The following KATNBL1 variants were observed in gnomAD, a reference collection of about 807,000 sequenced individuals.
KATNBL1 encodes the protein katanin regulatory subunit B1 like 1, also known as KATNB1-like protein 1.
Under a neutral mutation model 44.7 loss-of-function variants are expected in KATNBL1, and 28 were observed. That is an observed-to-expected ratio of 0.63 (90% CI 0.46 to 0.86). The LOEUF (loss-of-function observed/expected upper bound fraction) is 0.86. KATNBL1 is among the 40% of genes least tolerant of loss of function. The pLI is 0.00. For synonymous variants in KATNBL1, 78 were observed against 114.9 expected (o/e 0.68, Z 2.06); for missense variants, 272 against 350.7 (o/e 0.78, Z 1.79).
At chr15:34,178,562 C>G (rs901995097) in intron 1 of KATNBL1, among the ~76,000 whole-genome samples, 1 of 151,980 alleles carries the variant, frequency 6.6e-6, no homozygotes, top group Non-Finnish European at 1.5e-5. Flanking sequence ...TCGAGACCAT[C>G]CTGGCTAACC....
intron 2 of KATNBL1, among the ~76,000 whole-genome samples, chr15:34,160,144 A>C (rs1888753165): frequency 6.6e-6 from 1 of 152,052 alleles, no homozygotes. Flanking sequence ...AAGTGACCTA[A>C]TTTTCCACAT....
intron 1 of KATNBL1, among the ~76,000 whole-genome samples, chr15:34,183,129 A>T (rs183402346): frequency 5.9e-5 from 9 of 152,264 alleles, no homozygotes. Context: ...GGTGCCAGAA[A>T]CATTCCTCAA....
At chr15:34,207,425 G>T (rs1890324112) in intron 1 of KATNBL1, among the ~76,000 whole-genome samples, 1 of 151,930 alleles carries the variant, frequency 6.6e-6, no homozygotes, top group Non-Finnish European at 1.5e-5. Flanking sequence ...AGCCAGGATG[G>T]TCTCGATCTC....
At chr15:34,163,001 A>T (rs1732040705) in intron 2 of KATNBL1, among the ~76,000 whole-genome samples, 1 of 152,066 alleles carries the variant, frequency 6.6e-6, no homozygotes, top group African/African-American at 2.4e-5. Flanking sequence ...CTTTAACTAA[A>T]ATATTTAAAT....
At chr15:34,148,383 C>T (rs903043993) in intron 5 of KATNBL1, 18 of 274,118 alleles carry the variant, frequency 6.6e-5, no homozygotes, top group South Asian at 9.8e-5. Context: ...CTCAGGAGTT[C>T]GAGACCAGCC....
At chr15:34,143,406 A>C (rs1455263437) in intron 9 of KATNBL1, among the ~76,000 whole-genome samples, 2 of 152,100 alleles carry the variant, frequency 1.3e-5, no homozygotes, top group Non-Finnish European at 2.9e-5. Flanking sequence ...CAGAGGTTGC[A>C]GTGAGCTGAG....
chr15:34,163,840 T>C (rs1017324923), intron 1 of KATNBL1, 150 bp from the exon 2 acceptor site: 9 of 464,228 alleles, frequency 1.9e-5, no homozygotes, highest in African/African-American at 1.4e-4. Flanking sequence ...ACCTTAAACA[T>C]AGAGGAAGCA....
intron 2 of KATNBL1, among the ~76,000 whole-genome samples, chr15:34,162,052 A>C (rs141838569): frequency 6.6e-6 from 1 of 152,322 alleles, no homozygotes; most frequent in African/African-American, 2.4e-5. Flanking sequence ...AATTCAACAG[A>C]TAAGTTTTTC....
chr15:34,181,570 AT>A (rs1889527122), intron 1 of KATNBL1, among the ~76,000 whole-genome samples: 2 of 142,226 alleles, frequency 1.4e-5, no homozygotes, highest in Admixed American at 1.4e-4. Context: ...CCATATATAT[AT>A]CCATATATAT....
intron 1 of KATNBL1, among the ~76,000 whole-genome samples, chr15:34,172,760 GACACACACACAC>G (rs34182114): frequency 6.8e-5 from 10 of 146,546 alleles, no homozygotes; most frequent in Admixed American, 1.4e-4. Context: ...CACAGACACA[GACACACACACAC>G]ACACACACAC....
intron 1 of KATNBL1, among the ~76,000 whole-genome samples, chr15:34,174,718 G>A (rs1039924086): frequency 4.6e-5 from 7 of 151,604 alleles, no homozygotes; most frequent in Non-Finnish European, 1.0e-4. Flanking sequence ...TGAGTGGTGC[G>A]ATCTCAGCTT....
chr15:34,189,628 G>A (rs1006094351), intron 1 of KATNBL1, among the ~76,000 whole-genome samples: 12 of 152,154 alleles, frequency 7.9e-5, no homozygotes, highest in African/African-American at 2.9e-4. Flanking sequence ...AAACAAAAAT[G>A]TTTACTCTTT....
intron 1 of KATNBL1, among the ~76,000 whole-genome samples, chr15:34,174,263 A>C (rs539195970): frequency 6.6e-6 from 1 of 152,374 alleles, no homozygotes; most frequent in Non-Finnish European, 1.5e-5. Flanking sequence ...GTAGACTGTG[A>C]TATGTATAAT....
At chr15:34,181,803 T>TACACAC (rs1889562134) in intron 1 of KATNBL1, among the ~76,000 whole-genome samples, 1 of 79,190 alleles carries the variant, frequency 1.3e-5, no homozygotes, top group African/African-American at 6.9e-5. Flanking sequence ...TATCCATATA[T>TACACAC]ATACATATAT....
chr15:34,146,927 C>T (rs1888327325), intron 7 of KATNBL1, 77 bp from the exon 8 acceptor site: 2 of 894,370 alleles, frequency 2.2e-6, no homozygotes, highest in Non-Finnish European at 3.7e-6. Context: ...ACTTTCCCTC[C>T]CAAAAAACAC....
intron 2 of KATNBL1, among the ~76,000 whole-genome samples, chr15:34,161,381 A>G (rs990252408): frequency 6.6e-6 from 1 of 152,162 alleles, no homozygotes; most frequent in Non-Finnish European, 1.5e-5. Context: ...GTGCCTCCTC[A>G]TGGGAGAGGA....
intron 1 of KATNBL1, among the ~76,000 whole-genome samples, chr15:34,166,604 T>C (rs545671177): frequency 1.3e-5 from 2 of 152,208 alleles, no homozygotes; most frequent in South Asian, 2.1e-4. Flanking sequence ...AACACGACGT[T>C]TGAGCTCTGA....
At chr15:34,171,444 T>C (rs561255736) in intron 1 of KATNBL1, among the ~76,000 whole-genome samples, 1 of 152,286 alleles carries the variant, frequency 6.6e-6, no homozygotes, top group East Asian at 1.9e-4. Flanking sequence ...CAACAGATGC[T>C]GGAGAGGATG....
chr15:34,202,057 T>C (rs1890187845), intron 1 of KATNBL1, among the ~76,000 whole-genome samples: 1 of 152,230 alleles, frequency 6.6e-6, no homozygotes, highest in African/African-American at 2.4e-5. Context: ...GATTGTGATA[T>C]CATTGGGAGG....
Sources: gnomAD v4.1 joint callset for allele counts (sites outside exome capture counted in the v4.1 genomes callset) on GRCh38, gnomAD v4.1.1 for gene constraint, MANE v1.5 for transcripts, NCBI Gene and HGNC (gene_info 2026-07-23, HGNC 2026-07-21) for gene names.